The following GPATCH2 variants were observed in gnomAD, a reference collection of about 807,000 sequenced individuals.
GPATCH2 encodes G-patch domain containing 2, also known as G patch domain-containing protein 2.
In GPATCH2, 51 loss-of-function variants were observed where a neutral mutation model predicts 58.0. The ratio of observed to expected loss-of-function variants is 0.88; its 90% CI spans 0.70 to 1.11. The LOEUF (loss-of-function observed/expected upper bound fraction) is 1.11, where lower values mean the gene tolerates loss of function less well. Among genes scored for constraint, GPATCH2 ranks in the 50% most tolerant of loss-of-function variants. The pLI is 0.00. For synonymous variants in GPATCH2, 222 were observed against 218.5 expected (o/e 1.02, Z -0.14); for missense variants, 625 against 652.2 (o/e 0.96, Z 0.45).
At chr1:217,522,976 A>C (rs2102600249) in intron 5 of GPATCH2, among the ~76,000 whole-genome samples, 1 of 151,948 alleles carries the variant, frequency 6.6e-6, no homozygotes, top group East Asian at 1.9e-4. Flanking sequence ...CATTTTATGT[A>C]ATGGTTTATG....
chr1:217,435,630 T>C (rs1658788046), intron 9 of GPATCH2, among the ~76,000 whole-genome samples: 2 of 152,176 alleles, frequency 1.3e-5, no homozygotes, highest in Admixed American at 1.3e-4. Flanking sequence ...CCATACTCTT[T>C]TCACCATTAC....
intron 9 of GPATCH2, among the ~76,000 whole-genome samples, chr1:217,446,101 G>A (rs1659375981): frequency 6.6e-6 from 1 of 152,034 alleles, no homozygotes; most frequent in African/African-American, 2.4e-5. Flanking sequence ...ATAAATCAGA[G>A]GGGATTATCA....
chr1:217,430,633 A>T lies in GPATCH2; in HGVS notation c.*512T>A, dbSNP rs146318324. On this transcript the variant is annotated 3_prime_UTR_variant, in exon 10 of 10. Transcript: ENST00000366935. The stretch of plus-strand genomic sequence containing the variant: ...ATCACTCTGTCAGAAAATCCTCACC[A>T]AGAAGCCAATTCAAGGAATATGAAA... 2.5e-3 allele frequency: 395 copies of T among 156,486 alleles called. 2 individuals are homozygous for T. Among genetic ancestry groups the T allele is most frequent in the African/African-American group, 7.5e-3 (311 of 41,606 alleles). 9.7% of individuals were successfully genotyped at this position (156,486 alleles called of 1,614,324 possible).
intron 6 of GPATCH2, among the ~76,000 whole-genome samples, chr1:217,505,119 C>G (rs1167334054): frequency 6.6e-6 from 1 of 152,166 alleles, no homozygotes; most frequent in African/African-American, 2.4e-5. Context: ...TGGCTAGGCT[C>G]AGAGACACAG....
intron 1 of GPATCH2, among the ~76,000 whole-genome samples, chr1:217,622,302 G>T (rs2102846340): frequency 6.6e-6 from 1 of 152,282 alleles, no homozygotes; most frequent in Middle Eastern, 3.4e-3. Context: ...AACCAACCCT[G>T]TACTGGTTAG....
chr1:217,619,614 T>C (rs993815302), intron 2 of GPATCH2, among the ~76,000 whole-genome samples, 169 bp downstream of exon 2: 3 of 152,166 alleles, frequency 2.0e-5, no homozygotes, highest in African/African-American at 7.2e-5. Context: ...AATTTTGCTT[T>C]GTGCTAAACA....
chr1:217,550,218 A>G (rs1453097117), intron 5 of GPATCH2, among the ~76,000 whole-genome samples: 2 of 152,150 alleles, frequency 1.3e-5, no homozygotes, highest in Non-Finnish European at 2.9e-5. Context: ...TTCCTCTATG[A>G]TTAATAATAT....
intron 5 of GPATCH2, among the ~76,000 whole-genome samples, chr1:217,590,873 T>C (rs1203053344): frequency 6.6e-6 from 1 of 152,158 alleles, no homozygotes; most frequent in Non-Finnish European, 1.5e-5. Context: ...AAAGGGGTGA[T>C]TTCTCCAAGG....
chr1:217,616,270 T>C (rs943367632), intron 2 of GPATCH2, among the ~76,000 whole-genome samples: 1 of 152,182 alleles, frequency 6.6e-6, no homozygotes, highest in East Asian at 1.9e-4. Context: ...GTGTACATTA[T>C]AGAACAGTCT....
chr1:217,430,793 C>A lies in GPATCH2; in HGVS notation c.*352G>T. ...TCCATTTTAGAAACTGGTGGGTGTG[C>A]TCACGTTTGTCTGGGCATTGCAGCA... On this transcript the variant is annotated 3_prime_UTR_variant, in exon 10 of 10. Transcript: ENST00000366935. 2 of 243,596 alleles carry A rather than the reference C, an allele frequency of 8.2e-6. No individual in the cohort carries two copies. The highest frequency in any genetic ancestry group is 2.3e-5 in the African/African-American group (1 of 44,370). 15.1% of individuals were successfully genotyped at this position (243,596 alleles called of 1,614,324 possible). A position where few individuals can be genotyped will look rare whatever the true frequency, so the allele number is the denominator to read the frequency against.
intron 5 of GPATCH2, chr1:217,609,899 A>G (rs1571648933): frequency 9.1e-7 from 1 of 1,099,262 alleles, no homozygotes. Context: ...AAAAACCATA[A>G]AAGAGAAAAA....
At chr1:217,561,951 T>C (rs1665948673) in intron 5 of GPATCH2, among the ~76,000 whole-genome samples, 1 of 152,176 alleles carries the variant, frequency 6.6e-6, no homozygotes, top group Non-Finnish European at 1.5e-5. Flanking sequence ...CAAGCAGGTA[T>C]ACTGGAATTT....
intron 8 of GPATCH2, among the ~76,000 whole-genome samples, chr1:217,472,791 T>C (rs944301597): frequency 8.5e-5 from 13 of 152,050 alleles, no homozygotes; most frequent in Non-Finnish European, 2.9e-5. Flanking sequence ...AAAAAAGAGA[T>C]TGAAAATTGC....
chr1:217,503,479 A>C (rs1394169803), intron 6 of GPATCH2, among the ~76,000 whole-genome samples: 2 of 152,168 alleles, frequency 1.3e-5, no homozygotes, highest in African/African-American at 2.4e-5. Context: ...AAAACCTTTC[A>C]ATCAAAAGCA....
intron 5 of GPATCH2, among the ~76,000 whole-genome samples, chr1:217,571,817 CAGG>C (rs1033155392): frequency 2.4e-4 from 36 of 151,658 alleles, no homozygotes; most frequent in African/African-American, 8.2e-4. Context: ...CACTTGAACC[CAGG>C]AGGTCAAGAG....
At position 217,534,003 on chromosome 1, in the gene GPATCH2, G is replaced by A. The variant is rs949561190; in HGVS notation, c.1099-19114C>T. ...GGCCAAGGTGGGCAGATCACCTGAG[G>A]TCAAGAGTTTGAGACTAGCCTGGCC... On this transcript the variant is annotated intron_variant, in intron 5 of 9. Coordinates refer to ENST00000366935, the MANE Select transcript of GPATCH2 (RefSeq NM_018040.5). 2.6e-5 allele frequency among the ~76,000 whole-genome samples: 4 copies of A among 152,094 alleles called. No individual in the cohort carries two copies. In the South Asian group the frequency reaches 8.3e-4, roughly 32 times the overall value.
chr1:217,491,862 CTT>C (rs34921892), intron 7 of GPATCH2, 112 bp from the exon 8 acceptor site: 25,491 of 327,388 alleles, frequency 0.078, no homozygotes, highest in East Asian at 0.11. Flanking sequence ...ATTTGCACGG[CTT>C]TTTTTTTTTT....
intron 6 of GPATCH2, among the ~76,000 whole-genome samples, chr1:217,500,824 T>C (rs1217202553): frequency 6.6e-6 from 1 of 151,920 alleles, no homozygotes; most frequent in South Asian, 2.1e-4. Flanking sequence ...TTCTTCTTAT[T>C]TTTTTCCTCC....
At chr1:217,590,988 G>T (rs74942054) in intron 5 of GPATCH2, among the ~76,000 whole-genome samples, 4,141 of 152,208 alleles carry the variant, frequency 0.027, 75 homozygotes, top group Middle Eastern at 0.1. Flanking sequence ...AGTGGCAAAG[G>T]CCTAGAATTG....
Sources: gnomAD v4.1 joint callset for allele counts (sites outside exome capture counted in the v4.1 genomes callset) on GRCh38, gnomAD v4.1.1 for gene constraint, MANE v1.5 for transcripts, NCBI Gene and HGNC (gene_info 2026-07-23, HGNC 2026-07-21) for gene names.